Variants in MYO9A observed in about 807,000 individuals in gnomAD.
MYO9A encodes unconventional myosin-IXa.
Under a neutral mutation model 293.3 loss-of-function variants are expected in MYO9A, and 103 were observed. The observed-to-expected ratio is 0.35, with a 90% confidence interval of 0.30 to 0.41. The LOEUF (loss-of-function observed/expected upper bound fraction) is 0.41, where lower values mean the gene tolerates loss of function less well. MYO9A is among the 10% of genes least tolerant of loss of function. The probability of loss-of-function intolerance (pLI) is 1.00; values close to 1 mark genes in which losing one functional copy is unlikely to be tolerated. For missense variants in MYO9A, 2,685 were observed against 3,033.0 expected, an observed-to-expected ratio of 0.89 and a Z score of 2.69; for synonymous variants, 1,001 against 1,035.7, an observed-to-expected ratio of 0.97 and a Z score of 0.64.
At chr15:71,868,570 C>T (rs1159532222) in intron 32 of MYO9A, among the ~76,000 whole-genome samples, 1 of 152,146 alleles carries the variant, frequency 6.6e-6, no homozygotes, top group Non-Finnish European at 1.5e-5. Flanking sequence ...GAATGAATAA[C>T]CAGGTGACAA....
chr15:72,116,493 T>C (rs1169087487), intron 1 of MYO9A, among the ~76,000 whole-genome samples: 3 of 152,214 alleles, frequency 2.0e-5, no homozygotes, highest in Non-Finnish European at 4.4e-5. Context: ...ACTGCATGAT[T>C]TCTGTACTTG....
chr15:71,841,530 G>C (rs1336079101), intron 39 of MYO9A, among the ~76,000 whole-genome samples: 1 of 152,148 alleles, frequency 6.6e-6, no homozygotes, highest in African/African-American at 2.4e-5. Context: ...TCCTAACATA[G>C]AGTCATCCTT....
chr15:71,885,289 C>T (rs573488061), intron 27 of MYO9A, among the ~76,000 whole-genome samples: 1 of 152,136 alleles, frequency 6.6e-6, no homozygotes, highest in Non-Finnish European at 1.5e-5. Context: ...TAATGATATT[C>T]AGTATTTATT....
intron 1 of MYO9A, among the ~76,000 whole-genome samples, chr15:72,082,815 C>T (rs984561150): frequency 5.3e-5 from 8 of 150,198 alleles, no homozygotes; most frequent in South Asian, 4.3e-4. Flanking sequence ...GTTTATGTGA[C>T]GAATCACATT....
At chr15:72,031,736 T>TAA (rs1025112912) in intron 3 of MYO9A, among the ~76,000 whole-genome samples, 5 of 141,168 alleles carry the variant, frequency 3.5e-5, no homozygotes, top group Admixed American at 7.1e-5. Flanking sequence ...ATAGTCTATT[T>TAA]AAAAAAAAAA....
chr15:71,907,134 A>C (rs372648825), intron 19 of MYO9A, among the ~76,000 whole-genome samples: 1 of 129,532 alleles, frequency 7.7e-6, no homozygotes, highest in African/African-American at 3.0e-5. Context: ...TGATGTTCCC[A>C]TTCCTGTGTC....
At chr15:71,860,206 T>A (rs1289758636) in intron 33 of MYO9A, among the ~76,000 whole-genome samples, 1 of 152,198 alleles carries the variant, frequency 6.6e-6, no homozygotes, top group African/African-American at 2.4e-5. Context: ...GAATCATTCC[T>A]ATAGATAAGG....
At chr15:71,849,208 G>C (rs2055525863) in intron 38 of MYO9A, among the ~76,000 whole-genome samples, 1 of 152,176 alleles carries the variant, frequency 6.6e-6, no homozygotes, top group Non-Finnish European at 1.5e-5. Flanking sequence ...CCAGCGCTTT[G>C]GGAGGCCGAG....
chr15:72,093,899 T>TA (rs11451154), intron 1 of MYO9A, among the ~76,000 whole-genome samples: 77,853 of 85,446 alleles, frequency 0.91, 36,650 homozygotes, highest in East Asian at 1. Flanking sequence ...AAAAATTAAA[T>TA]AAAAAAAACC....
intron 12 of MYO9A, among the ~76,000 whole-genome samples, chr15:71,969,553 A>G (rs1192630740): frequency 6.6e-6 from 1 of 152,242 alleles, no homozygotes; most frequent in African/African-American, 2.4e-5. Flanking sequence ...CTGCAAACTT[A>G]TATCTCACTA....
chr15:72,044,306 C>T (rs1261770370), intron 2 of MYO9A, among the ~76,000 whole-genome samples: 1 of 151,108 alleles, frequency 6.6e-6, no homozygotes, highest in Non-Finnish European at 1.5e-5. Flanking sequence ...CTCAGGAGGC[C>T]GAGGCAGGAG....
intron 12 of MYO9A, among the ~76,000 whole-genome samples, chr15:71,970,331 C>A (rs1308136433): frequency 4.6e-5 from 7 of 152,162 alleles, no homozygotes; most frequent in Non-Finnish European, 7.4e-5. Context: ...CCATAACATA[C>A]AGCCATTAAG....
At chr15:72,034,749 T>C (rs968099655) in intron 2 of MYO9A, among the ~76,000 whole-genome samples, 1 of 152,176 alleles carries the variant, frequency 6.6e-6, no homozygotes, top group African/African-American at 2.4e-5. Flanking sequence ...TTGAAAAAAC[T>C]TACAAAATAA....
intron 20 of MYO9A, 78 bp downstream of exon 20, chr15:71,904,848 C>T (rs1596153823): frequency 2.0e-6 from 2 of 1,014,192 alleles, no homozygotes; most frequent in East Asian, 2.5e-5. Flanking sequence ...TTCCCCTCCA[C>T]TTATTCTGCT....
chr15:72,015,527 G>A (rs1248089799), intron 6 of MYO9A, among the ~76,000 whole-genome samples: 2 of 152,136 alleles, frequency 1.3e-5, no homozygotes, highest in African/African-American at 4.8e-5. Flanking sequence ...AAATCCCTTT[G>A]CAGCATGGTG....
At chr15:71,962,487 C>T (rs191397627) in intron 13 of MYO9A, among the ~76,000 whole-genome samples, 29 of 152,118 alleles carry the variant, frequency 1.9e-4, no homozygotes, top group East Asian at 1.7e-3. Flanking sequence ...TTAGAGCAAA[C>T]GTATGTATTA....
At chr15:71,972,526 T>C (rs926804257) in intron 12 of MYO9A, among the ~76,000 whole-genome samples, 1 of 152,164 alleles carries the variant, frequency 6.6e-6, no homozygotes, top group Non-Finnish European at 1.5e-5. Context: ...GATCTGATGC[T>C]ACTTCCAGGT....
chr15:71,848,569 TGAAAA>T (rs748028310), intron 39 of MYO9A, among the ~76,000 whole-genome samples: 18 of 152,024 alleles, frequency 1.2e-4, no homozygotes, highest in Non-Finnish European at 2.6e-4. Flanking sequence ...AGAAAGGACA[TGAAAA>T]GAAAGCAAGG....
At chr15:71,944,154 A>T (rs1240951304) in intron 15 of MYO9A, among the ~76,000 whole-genome samples, 1 of 152,104 alleles carries the variant, frequency 6.6e-6, no homozygotes, top group Non-Finnish European at 1.5e-5. Flanking sequence ...TCTTTTGTGG[A>T]AGTGTATGTT....
Sources: gnomAD v4.1 joint callset for allele counts (sites outside exome capture counted in the v4.1 genomes callset) on GRCh38, gnomAD v4.1.1 for gene constraint, MANE v1.5 for transcripts, NCBI Gene and HGNC (gene_info 2026-07-23, HGNC 2026-07-21) for gene names.